The following C1orf167 variants were observed in gnomAD, a reference collection of about 807,000 sequenced individuals.
C1orf167 encodes the protein chromosome 1 open reading frame 167, also known as uncharacterized protein C1orf167.
In C1orf167, 153 loss-of-function variants were observed where a neutral mutation model predicts 176.5. The ratio of observed to expected loss-of-function variants is 0.87; its 90% CI spans 0.76 to 0.99. The LOEUF (loss-of-function observed/expected upper bound fraction) is 0.99, where lower values mean the gene tolerates loss of function less well. Among genes scored for constraint, C1orf167 ranks in the 50% least tolerant of loss-of-function variants. The pLI is 0.00. For synonymous variants in C1orf167, 594 were observed against 752.7 expected (o/e 0.79, Z 3.45); for missense variants, 1,490 against 1,817.7 (o/e 0.82, Z 3.28).
In C1orf167 at chr1:11,767,961, G is replaced by A. The variant is rs147568229; in HGVS notation, c.1344-116G>A. On this transcript the variant is annotated intron_variant, in intron 4 of 20. Coordinates refer to ENST00000688073, the MANE Select transcript of C1orf167 (RefSeq NM_001010881.2). ...TGCAGTGTGATACTCCTGTTGTGGC[G>A]TGGGTCATCACCCTACTGATTGCTG... 2.9e-4 allele frequency: 207 copies of A among 725,064 alleles called. 3 individuals are homozygous for A. The highest frequency in any genetic ancestry group is 2.3e-3 in the Middle Eastern group (4 of 1,774). 44.9% of individuals were successfully genotyped at this position (725,064 alleles called of 1,614,324 possible).
intron 6 of C1orf167, among the ~76,000 whole-genome samples, chr1:11,770,606 G>T (rs1297487882): frequency 1.4e-5 from 2 of 145,528 alleles, no homozygotes; most frequent in Non-Finnish European, 3.0e-5. Context: ...ACCACGCCTG[G>T]CTGATTTTTT....
chr1:11,783,145 C>A (rs1322682020), intron 14 of C1orf167, among the ~76,000 whole-genome samples: 12 of 152,136 alleles, frequency 7.9e-5, no homozygotes. Context: ...CAGTTCAGTA[C>A]AAATTTGCGA....
At chr1:11,770,326 A>G (rs943036420) in intron 6 of C1orf167, among the ~76,000 whole-genome samples, 11 of 152,136 alleles carry the variant, frequency 7.2e-5, no homozygotes, top group African/African-American at 2.4e-4. Context: ...AATGGTTACA[A>G]TGGTAAACTT....
intron 10 of C1orf167, among the ~76,000 whole-genome samples, chr1:11,776,879 AG>A (rs1178107241): frequency 1.3e-5 from 2 of 152,144 alleles, no homozygotes; most frequent in African/African-American, 4.8e-5. Context: ...ACTGGGGGCC[AG>A]GGGGCTGCCA....
Position 11,776,489 on chromosome 1 carries a change from C to A in C1orf167, c.2190C>A (p.Gly730=), listed in dbSNP as rs1391941790. ...KAGREAVYTA[G]PGACGLGAVG... ...GACGTGAGGCTGTCTACACCGCAGG[C>A]CCTGGAGCCTGTGGCCTGGGTGCAG... Residue 730 remains glycine, a synonymous_variant, in exon 10 of 21, where the codon GGC becomes GGA. Coordinates refer to ENST00000688073, the MANE Select transcript of C1orf167 (RefSeq NM_001010881.2). The A allele has an allele frequency of 7.7e-7, 1 of 1,301,838 alleles. No individual in the cohort carries two copies. The highest frequency in any genetic ancestry group is 1.0e-6 in the Non-Finnish European group (1 of 987,992). The allele number at this position is 1,301,838 out of a possible 1,614,324, so 80.6% of individuals were successfully genotyped here.
chr1:11,767,937 G>A lies in C1orf167; in HGVS notation c.1344-140G>A, dbSNP rs142492559. On this transcript the variant is annotated intron_variant, in intron 4 of 20. Transcript: ENST00000688073. ...AGTAAGAGGGAAGTTCTTCCAGTCT[G>A]CAGTGTGATACTCCTGTTGTGGCGT... is the stretch of plus-strand genomic sequence containing the variant. 8.7e-4 allele frequency: 461 copies of A among 531,490 alleles called. 2 individuals carry two copies. Among genetic ancestry groups the A allele is most frequent in the African/African-American group, 8.6e-3 (429 of 49,770 alleles). The allele number at this position is 531,490 out of a possible 1,614,324, so 32.9% of individuals were successfully genotyped here.
Position 11,764,367 on chromosome 1 carries a change from G to A in C1orf167, c.-34G>A. On this transcript the variant is annotated 5_prime_UTR_variant, in exon 2 of 21. Transcript: ENST00000688073. ...TTAAACAGACCAGGCCACTCACTGT[G>A]GAGTGGACCAAGGATACTCCTGTCC... The A allele has an allele frequency of 7.8e-7, 1 of 1,278,814 alleles. No individual in the cohort carries two copies. The highest frequency in any genetic ancestry group is 1.0e-6 in the Non-Finnish European group (1 of 979,172). The allele number at this position is 1,278,814 out of a possible 1,614,324, so 79.2% of individuals were successfully genotyped here. A position where few individuals can be genotyped will look rare whatever the true frequency, so the allele number is the denominator to read the frequency against.
At chr1:11,765,804 T>G in intron 2 of C1orf167, 53 bp from the exon 3 acceptor site, 2 of 1,177,950 alleles carry the variant, frequency 1.7e-6, no homozygotes, top group Non-Finnish European at 2.1e-6. Context: ...GAGCTTCGCC[T>G]GTCCCACCTG....
intron 1 of C1orf167, among the ~76,000 whole-genome samples, chr1:11,763,639 G>C (rs968634710): frequency 6.6e-6 from 1 of 152,188 alleles, no homozygotes; most frequent in East Asian, 1.9e-4. Context: ...GGGGCATTGA[G>C]GGGGCTGGAG....
intron 1 of C1orf167, among the ~76,000 whole-genome samples, chr1:11,763,401 C>T (rs548281365): frequency 3.4e-5 from 5 of 147,914 alleles, no homozygotes; most frequent in South Asian, 4.2e-4. Flanking sequence ...GCCGGGATCA[C>T]GCCATTGTAC....
intron 16 of C1orf167, chr1:11,786,093 A>G (rs925919532): frequency 2.6e-5 from 4 of 152,052 alleles, no homozygotes; most frequent in South Asian, 2.1e-4. Context: ...CTCAGAAAAT[A>G]TAAAGTAGAA....
In C1orf167 at chr1:11,769,475, G is replaced by A. The variant is rs150350344; in HGVS notation, c.1697+348G>A. On this transcript the variant is annotated intron_variant, in intron 6 of 20. Coordinates refer to ENST00000688073, the MANE Select transcript of C1orf167 (RefSeq NM_001010881.2). Reference sequence around the variant, plus strand: ...CCCAGCTACTCTAGAGACTGAGGCAGGAGGATCACTTGAGGCCAGGAAATC... The same window carrying A: ...CCCAGCTACTCTAGAGACTGAGGCAAGAGGATCACTTGAGGCCAGGAAATC... Among the ~76,000 whole-genome samples, 1,024 of 152,106 alleles carry A rather than the reference G, an allele frequency of 6.7e-3. 17 individuals carry two copies. The highest frequency in any genetic ancestry group is 0.024 in the African/African-American group (986 of 41,508).
intron 2 of C1orf167, among the ~76,000 whole-genome samples, chr1:11,765,035 C>CAG (rs1272382065): frequency 7.3e-5 from 8 of 109,084 alleles, no homozygotes; most frequent in Non-Finnish European, 3.3e-5. Flanking sequence ...GCCTGAGCCA[C>CAG]AGAGCAAGAC....
chr1:11,771,436 G>T (rs533166781), intron 6 of C1orf167, 88 bp from the exon 7 acceptor site: 2 of 745,040 alleles, frequency 2.7e-6, no homozygotes, highest in African/African-American at 1.8e-5. Context: ...AGGGCAGACC[G>T]CACCTGCCTG....
rs956230466 is a variant in C1orf167 at position 11,768,306 on chromosome 1, C to T, written c.1542+31C>T. The stretch of plus-strand genomic sequence containing the variant: ...CGGTCTCCAGGTTGGGCCAGGGGGC[C>T]GTGTGAAGCAGTGGTGTGTCTGGGG... On this transcript the variant is annotated intron_variant, in intron 5 of 20. Transcript: ENST00000688073. This position sits in a 1 kb window ranked among gnomAD's most constrained non-coding sequence, Gnocchi z 4.5. 1.0e-5 allele frequency: 13 copies of T among 1,286,818 alleles called. No individual in the cohort carries two copies. In the African/African-American group the frequency reaches 1.2e-4, roughly 12 times the overall value. 79.7% of individuals were successfully genotyped at this position (1,286,818 alleles called of 1,614,324 possible).
In C1orf167 at chr1:11,762,247, G is replaced by C. The variant is rs542964958; in HGVS notation, c.-129G>C. The stretch of plus-strand genomic sequence containing the variant: ...CCTGCGGGGATCGTTAGCGGTCCCA[G>C]CCCCCGTCTAGATTCAAATCCGACT... On this transcript the variant is annotated 5_prime_UTR_variant, in exon 1 of 21. Coordinates refer to ENST00000688073, the MANE Select transcript of C1orf167 (RefSeq NM_001010881.2). The C allele has an allele frequency of 3.7e-5, 16 of 436,920 alleles. No individual in the cohort carries two copies. The highest frequency in any genetic ancestry group is 9.8e-5 in the Admixed American group (4 of 40,906). 27.1% of individuals were successfully genotyped at this position (436,920 alleles called of 1,614,324 possible).
At chr1:11,770,529 C>T (rs75146988) in intron 6 of C1orf167, among the ~76,000 whole-genome samples, 4,267 of 150,746 alleles carry the variant, frequency 0.028, 185 homozygotes, top group African/African-American at 0.096. Flanking sequence ...CTGCAACCTC[C>T]GCCTCCTGGG....
intron 8 of C1orf167, among the ~76,000 whole-genome samples, chr1:11,773,202 T>C (rs991726253): frequency 2.2e-4 from 34 of 151,388 alleles, no homozygotes; most frequent in African/African-American, 8.0e-4. Context: ...CTGTGGGGCA[T>C]TTTTCTTACT....
intron 9 of C1orf167, 107 bp from the exon 10 acceptor site, chr1:11,776,357 A>G: frequency 9.7e-7 from 1 of 1,036,240 alleles, no homozygotes; most frequent in Non-Finnish European, 1.3e-6. Context: ...GGGACGGGAC[A>G]AGAGGGGAGA....
Sources: allele counts gnomAD v4.1 joint callset (sites outside exome capture counted in the v4.1 genomes callset), GRCh38; gene constraint gnomAD v4.1.1; non-coding constraint Gnocchi (gnomAD v3.1); transcripts MANE v1.5; gene names NCBI Gene and HGNC (gene_info 2026-07-23, HGNC 2026-07-21).